Variants in TBC1D22A observed in about 807,000 individuals in gnomAD.
TBC1D22A encodes putative GTPase activator.
A neutral mutation model predicts 60.2 loss-of-function variants in TBC1D22A; 38 were observed. That is an observed-to-expected ratio of 0.63 (90% CI 0.49 to 0.83). The LOEUF (loss-of-function observed/expected upper bound fraction) is 0.83, where lower values mean the gene tolerates loss of function less well. Ranked by LOEUF, TBC1D22A falls within the 40% of genes least tolerant of loss-of-function variation. The probability of loss-of-function intolerance (pLI) is 0.00; values close to 1 mark genes in which losing one functional copy is unlikely to be tolerated. For missense variants in TBC1D22A, 628 were observed against 701.0 expected, an observed-to-expected ratio of 0.90 and a Z score of 1.18; for synonymous variants, 302 against 281.7, an observed-to-expected ratio of 1.07 and a Z score of -0.72.
intron 12 of TBC1D22A, among the ~76,000 whole-genome samples, chr22:47,124,793 G>A (rs1425968419): frequency 2.0e-5 from 3 of 151,912 alleles, no homozygotes; most frequent in African/African-American, 7.3e-5. Context: ...ATGAGTTTGG[G>A]CTCCACCGAG....
chr22:47,042,176 C>T (rs1032440610), intron 11 of TBC1D22A, among the ~76,000 whole-genome samples: 8 of 21,600 alleles, frequency 3.7e-4, no homozygotes, highest in African/African-American at 8.0e-4. Context: ...CTATTTCTGC[C>T]CCCCCCATGA....
chr22:47,096,323 G>C (rs970781052), intron 11 of TBC1D22A, among the ~76,000 whole-genome samples: 3 of 152,144 alleles, frequency 2.0e-5, no homozygotes, highest in African/African-American at 7.2e-5. Flanking sequence ...CTGATCCACT[G>C]CGCTGAATGC....
At chr22:47,066,073 C>G (rs1420185846) in intron 11 of TBC1D22A, among the ~76,000 whole-genome samples, 1 of 152,174 alleles carries the variant, frequency 6.6e-6, no homozygotes, top group Non-Finnish European at 1.5e-5. Context: ...TATCGAGGAT[C>G]GTTAGGGAAG....
At chr22:46,765,861 A>G (rs1325752953) in intron 1 of TBC1D22A, among the ~76,000 whole-genome samples, 1 of 145,592 alleles carries the variant, frequency 6.9e-6, no homozygotes, top group African/African-American at 2.6e-5. Flanking sequence ...GCTCACTGCT[A>G]CCTCCACCTC....
intron 3 of TBC1D22A, among the ~76,000 whole-genome samples, chr22:46,796,429 G>A (rs921494549): frequency 1.3e-5 from 2 of 152,156 alleles, no homozygotes; most frequent in Non-Finnish European, 2.9e-5. Flanking sequence ...AGTGGATGTC[G>A]GCCCGTCAGC....
chr22:47,075,780 A>T (rs1179838411), intron 11 of TBC1D22A, among the ~76,000 whole-genome samples: 1 of 152,158 alleles, frequency 6.6e-6, no homozygotes, highest in African/African-American at 2.4e-5. Flanking sequence ...AAATCCAACT[A>T]TGTGGTATTC....
At chr22:47,000,964 G>C (rs2148249838) in intron 10 of TBC1D22A, among the ~76,000 whole-genome samples, 1 of 152,294 alleles carries the variant, frequency 6.6e-6, no homozygotes. Context: ...AGCCACCAGT[G>C]TTCTGGGTGT....
At chr22:46,980,606 G>GA (rs2074476833) in intron 9 of TBC1D22A, among the ~76,000 whole-genome samples, 1 of 152,184 alleles carries the variant, frequency 6.6e-6, no homozygotes, top group African/African-American at 2.4e-5. Context: ...GTAGTGCTGA[G>GA]AAAATTACCA....
intron 9 of TBC1D22A, among the ~76,000 whole-genome samples, chr22:46,985,960 T>C (rs2074706921): frequency 6.6e-6 from 1 of 152,252 alleles, no homozygotes; most frequent in African/African-American, 2.4e-5. Context: ...TCATTTTTTT[T>C]CTTTTGTGGT....
At chr22:46,851,430 C>T (rs1380275907) in intron 4 of TBC1D22A, among the ~76,000 whole-genome samples, 1 of 152,260 alleles carries the variant, frequency 6.6e-6, no homozygotes, top group African/African-American at 2.4e-5. Context: ...GAGAGGCTCC[C>T]CAGAGCTTGG....
chr22:46,850,738 T>A (rs892721683), intron 4 of TBC1D22A, among the ~76,000 whole-genome samples: 2 of 152,190 alleles, frequency 1.3e-5, no homozygotes, highest in African/African-American at 4.8e-5. Context: ...ACATACAGAC[T>A]TGTACATGAA....
chr22:46,776,396 T>A (rs1193849815), intron 1 of TBC1D22A, among the ~76,000 whole-genome samples: 1 of 110,146 alleles, frequency 9.1e-6, no homozygotes, highest in Non-Finnish European at 2.1e-5. Flanking sequence ...TAGTTGTGGC[T>A]GTGTGGTGGG....
intron 12 of TBC1D22A, among the ~76,000 whole-genome samples, chr22:47,146,495 C>T (rs1032318990): frequency 4.6e-5 from 7 of 152,266 alleles, no homozygotes; most frequent in Non-Finnish European, 8.8e-5. Context: ...GCCAAGAAAG[C>T]ATTGGCAACT....
Position 47,001,520 on chromosome 22 carries a change from T to C in TBC1D22A, c.1201+3811T>C, listed in dbSNP as rs181387725. On this transcript the variant is annotated intron_variant, in intron 10 of 12. Transcript: ENST00000337137. ...AAATATGCCATTGAAACTTACCTCT[T>C]GTTTCTGTCAATCACCCTGTGGTAA... Among the ~76,000 whole-genome samples, 181 of 151,850 alleles carry C rather than the reference T, an allele frequency of 1.2e-3. 1 individual carries two copies. Among genetic ancestry groups the C allele is most frequent in the Non-Finnish European group, 1.6e-4 (11 of 67,918 alleles).
intron 4 of TBC1D22A, among the ~76,000 whole-genome samples, chr22:46,842,790 G>A (rs1428717398): frequency 1.3e-5 from 2 of 152,262 alleles, no homozygotes; most frequent in African/African-American, 4.8e-5. Flanking sequence ...GTTGGGGAGG[G>A]AGGGCTTTGG....
chr22:46,876,603 G>T (rs968212385), intron 4 of TBC1D22A, among the ~76,000 whole-genome samples: 1 of 152,218 alleles, frequency 6.6e-6, no homozygotes, highest in African/African-American at 2.4e-5. Flanking sequence ...AGCTTTCAGG[G>T]GAAGAGGAGT....
intron 8 of TBC1D22A, among the ~76,000 whole-genome samples, chr22:46,938,053 G>T (rs529245441): frequency 6.6e-6 from 1 of 152,024 alleles, no homozygotes; most frequent in South Asian, 2.1e-4. Flanking sequence ...AATAAATGTC[G>T]TGTGGCCTAA....
intron 11 of TBC1D22A, among the ~76,000 whole-genome samples, chr22:47,108,928 C>G (rs941837282): frequency 6.6e-6 from 1 of 152,196 alleles, no homozygotes; most frequent in African/African-American, 2.4e-5. Flanking sequence ...ATCTCCTGAC[C>G]TTGTGATCCG....
At chr22:47,061,246 C>T (rs2063565930) in intron 11 of TBC1D22A, among the ~76,000 whole-genome samples, 1 of 152,200 alleles carries the variant, frequency 6.6e-6, no homozygotes, top group Non-Finnish European at 1.5e-5. Context: ...ACGCTGTCTT[C>T]CTCGGTGCCC....
Sources: allele counts gnomAD v4.1 joint callset (sites outside exome capture counted in the v4.1 genomes callset), GRCh38; gene constraint gnomAD v4.1.1; transcripts MANE v1.5; gene names NCBI Gene and HGNC (gene_info 2026-07-23, HGNC 2026-07-21).